MTFR1: variants seen among roughly 807,000 people sequenced by gnomAD.
The protein encoded by MTFR1 is chondrocyte protein with a poly-proline region.
In MTFR1, 28 loss-of-function variants were observed where a neutral mutation model predicts 38.8. The ratio of observed to expected loss-of-function variants is 0.72; its 90% CI spans 0.53 to 0.99. The LOEUF (loss-of-function observed/expected upper bound fraction) is 0.99. Ranked by LOEUF, MTFR1 falls within the 50% of genes least tolerant of loss-of-function variation. The probability of loss-of-function intolerance (pLI) is 0.00; values close to 1 mark genes in which losing one functional copy is unlikely to be tolerated. For missense variants in MTFR1, 358 were observed against 395.5 expected, an observed-to-expected ratio of 0.91 and a Z score of 0.81; for synonymous variants, 145 against 137.0, an observed-to-expected ratio of 1.06 and a Z score of -0.41.
chr8:65,653,728 G>C (rs942478253), intron 1 of MTFR1, among the ~76,000 whole-genome samples: 2 of 151,948 alleles, frequency 1.3e-5, no homozygotes, highest in African/African-American at 4.8e-5. Flanking sequence ...TTACTTTTTA[G>C]ATTTCAGTTA....
rs111570436 is a variant in MTFR1, at chr8:65,680,948, C to G, written c.67-1405C>G. ...TGAGACGGAGTCTCGCTCTGTCGCCCAGGCCGGACTGCGGACTGCAGTGGC... is the reference window on the plus strand; with the variant it reads ...TGAGACGGAGTCTCGCTCTGTCGCCGAGGCCGGACTGCGGACTGCAGTGGC... On this transcript the variant is annotated intron_variant, in intron 2 of 7. Transcript: ENST00000262146. 2.8e-3 allele frequency among the ~76,000 whole-genome samples: 408 copies of G among 146,344 alleles called. 1 individual carries two copies. The highest frequency in any genetic ancestry group is 9.9e-3 in the African/African-American group (396 of 39,982).
At chr8:65,740,780 C>T (rs183189920) in intron 3 of MTFR1, among the ~76,000 whole-genome samples, 1 of 152,294 alleles carries the variant, frequency 6.6e-6, no homozygotes, top group East Asian at 1.9e-4. Context: ...CAACTATCCC[C>T]ACCCCACCCC....
chr8:65,734,845 G>T, intron 3 of MTFR1: 2 of 1,612,562 alleles, frequency 1.2e-6, no homozygotes, highest in South Asian at 1.1e-5. Flanking sequence ...CCGCAGCGTG[G>T]ACTGCGTTAT....
intron 3 of MTFR1, among the ~76,000 whole-genome samples, chr8:65,766,634 C>A (rs561613371): frequency 6.6e-6 from 1 of 152,354 alleles, no homozygotes; most frequent in East Asian, 1.9e-4. Flanking sequence ...CTCTCCCATG[C>A]ATCACCCTCT....
intron 3 of MTFR1, among the ~76,000 whole-genome samples, chr8:65,770,600 C>T (rs1809037116): frequency 6.6e-6 from 1 of 152,196 alleles, no homozygotes; most frequent in South Asian, 2.1e-4. Context: ...AACCTCTAAA[C>T]ACTTCAGTGA....
intron 3 of MTFR1, chr8:65,739,396 T>A: frequency 7.9e-7 from 1 of 1,264,644 alleles, no homozygotes; most frequent in Non-Finnish European, 1.0e-6. Context: ...TAATTTTGGC[T>A]GGTTTGTTAT....
intron 1 of MTFR1, among the ~76,000 whole-genome samples, chr8:65,650,058 C>T (rs1351614702): frequency 1.3e-5 from 2 of 151,196 alleles, no homozygotes; most frequent in African/African-American, 2.4e-5. Context: ...AGACTGGTCT[C>T]GAACTCCCGA....
chr8:65,662,514 C>G (rs1403159391), intron 1 of MTFR1, among the ~76,000 whole-genome samples: 1 of 148,318 alleles, frequency 6.7e-6, no homozygotes, highest in South Asian at 2.1e-4. Context: ...TCTGCCCGGC[C>G]GCCACCCCGT....
chr8:65,678,057 T>G (rs1469025182), intron 2 of MTFR1, among the ~76,000 whole-genome samples: 2 of 152,126 alleles, frequency 1.3e-5, no homozygotes, highest in Non-Finnish European at 2.9e-5. Flanking sequence ...TATGACCATT[T>G]TCTTCTCCCT....
chr8:65,711,573 T>C (rs1805948634), downstream of MTFR1, among the ~76,000 whole-genome samples: 1 of 152,208 alleles, frequency 6.6e-6, no homozygotes, highest in Non-Finnish European at 1.5e-5. Flanking sequence ...CCCTTTCTCA[T>C]CCTAGAGATT....
chr8:65,692,917 A>C lies in MTFR1; in HGVS notation c.166-727A>C, dbSNP rs1240509015. Reference sequence around the variant, plus strand: ...CTTTTTTTTTTTTTTTACCCCCGAGACAGAGTCTTGCTCTGTCACCCAGGC... The same window carrying C: ...CTTTTTTTTTTTTTTTACCCCCGAGCCAGAGTCTTGCTCTGTCACCCAGGC... On this transcript the variant is annotated intron_variant, in intron 3 of 7. Coordinates refer to ENST00000262146, the MANE Select transcript of MTFR1 (RefSeq NM_014637.4). Among the ~76,000 whole-genome samples, 9 of 145,256 alleles carry C rather than the reference A, an allele frequency of 6.2e-5. 1 individual carries two copies. The East Asian group carries it at 1.8e-3, about 29-fold the overall frequency.
intron 3 of MTFR1, among the ~76,000 whole-genome samples, chr8:65,738,252 T>C (rs1371699814): frequency 9.0e-5 from 13 of 144,816 alleles, no homozygotes; most frequent in African/African-American, 3.4e-4. Context: ...TTTTGCTGTA[T>C]ATAAGCAAAA....
intron 1 of MTFR1, among the ~76,000 whole-genome samples, chr8:65,660,226 G>A (rs376231242): frequency 6.7e-6 from 1 of 149,992 alleles, no homozygotes; most frequent in East Asian, 2.0e-4. Flanking sequence ...GGGAGGTGGA[G>A]GTTGTGGTGA....
At chr8:65,671,221 A>G (rs755318535) in intron 2 of MTFR1, among the ~76,000 whole-genome samples, 3 of 152,134 alleles carry the variant, frequency 2.0e-5, no homozygotes, top group Non-Finnish European at 4.4e-5. Flanking sequence ...TCTTTCAGAT[A>G]TATGTTGCTA....
chr8:65,679,914 A>G (rs1445942652), intron 2 of MTFR1, among the ~76,000 whole-genome samples: 1 of 152,150 alleles, frequency 6.6e-6, no homozygotes, highest in African/African-American at 2.4e-5. Context: ...ATATTTTAAT[A>G]TTTTTATCTT....
chr8:65,724,461 G>A, intron 3 of MTFR1: 1 of 651,568 alleles, frequency 1.5e-6, no homozygotes, highest in Non-Finnish European at 2.6e-6. Flanking sequence ...AAATAAGCCA[G>A]AAATATAATT....
At chr8:65,765,854 CATT>C (rs1315522178) in intron 3 of MTFR1, among the ~76,000 whole-genome samples, 2 of 152,158 alleles carry the variant, frequency 1.3e-5, no homozygotes, top group African/African-American at 2.4e-5. Context: ...ATGTTTAAGA[CATT>C]AGTATCTCTT....
At chr8:65,729,726 C>CTT (rs34749293) in intron 3 of MTFR1, among the ~76,000 whole-genome samples, 73 of 140,740 alleles carry the variant, frequency 5.2e-4, no homozygotes, top group South Asian at 1.1e-3. Context: ...CCATGCCTGA[C>CTT]TTTTTTTTTT....
intron 1 of MTFR1, among the ~76,000 whole-genome samples, chr8:65,653,220 T>G (rs1809166787): frequency 6.6e-6 from 1 of 152,194 alleles, no homozygotes; most frequent in African/African-American, 2.4e-5. Flanking sequence ...AAAATGAGTT[T>G]ATTTAAGATC....
Sources: allele counts gnomAD v4.1 joint callset (sites outside exome capture counted in the v4.1 genomes callset), GRCh38; gene constraint gnomAD v4.1.1; transcripts MANE v1.5; gene names NCBI Gene and HGNC (gene_info 2026-07-23, HGNC 2026-07-21).